TMCO4: variants seen among roughly 807,000 people sequenced by gnomAD.
The protein encoded by TMCO4 is transmembrane and coiled-coil domain-containing protein 4.
Under a neutral mutation model 64.7 loss-of-function variants are expected in TMCO4, and 58 were observed. That is an observed-to-expected ratio of 0.90 (90% CI 0.73 to 1.12). The LOEUF (loss-of-function observed/expected upper bound fraction) is 1.12, where lower values mean the gene tolerates loss of function less well. Among genes scored for constraint, TMCO4 ranks in the 50% most tolerant of loss-of-function variants. The pLI, the probability that TMCO4 is intolerant of heterozygous loss-of-function variation, is 0.00. For synonymous variants in TMCO4, 325 were observed against 346.1 expected, an observed-to-expected ratio of 0.94 and a Z score of 0.68; for missense variants, 780 against 825.9, an observed-to-expected ratio of 0.94 and a Z score of 0.68.
At chr1:19,796,864 C>T (rs1007305868) in intron 2 of TMCO4, among the ~76,000 whole-genome samples, 8 of 152,180 alleles carry the variant, frequency 5.3e-5, no homozygotes, top group East Asian at 1.9e-4. Flanking sequence ...TGAGCCACCA[C>T]GCCTGGCCTG....
At chr1:19,786,020 A>G (rs1217001257) in intron 3 of TMCO4, among the ~76,000 whole-genome samples, 3 of 152,200 alleles carry the variant, frequency 2.0e-5, no homozygotes, top group Admixed American at 6.5e-5. Context: ...GAGCTTTCGG[A>G]GGCTGAGGCA....
intron 4 of TMCO4, among the ~76,000 whole-genome samples, chr1:19,779,816 G>A (rs1483584938): frequency 6.6e-6 from 1 of 152,210 alleles, no homozygotes; most frequent in African/African-American, 2.4e-5. Flanking sequence ...TCCGTTCCTG[G>A]ACGGTGTCCT....
At chr1:19,793,594 T>A (rs1239205749) in intron 2 of TMCO4, among the ~76,000 whole-genome samples, 1 of 152,030 alleles carries the variant, frequency 6.6e-6, no homozygotes, top group East Asian at 1.9e-4. Flanking sequence ...TCTCAGGAGG[T>A]CTCCATGACA....
At chr1:19,715,715 A>AT (rs2095352544) in intron 13 of TMCO4, among the ~76,000 whole-genome samples, 1 of 152,170 alleles carries the variant, frequency 6.6e-6, no homozygotes, top group Non-Finnish European at 1.5e-5. Flanking sequence ...TGGAGGAGGG[A>AT]TGGCTGCAGA....
At chr1:19,759,379 C>T (rs979090791) in intron 6 of TMCO4, among the ~76,000 whole-genome samples, 3 of 152,176 alleles carry the variant, frequency 2.0e-5, no homozygotes, top group African/African-American at 7.2e-5. Flanking sequence ...AAACAGCAGC[C>T]ACTGAGCTTC....
At chr1:19,718,650 C>CAAAAAAA (rs754998314) in intron 13 of TMCO4, among the ~76,000 whole-genome samples, 7 of 63,314 alleles carry the variant, frequency 1.1e-4, no homozygotes, top group East Asian at 5.0e-4. Context: ...GACCGTCTCT[C>CAAAAAAA]AAAAAAAAAA....
intron 7 of TMCO4, among the ~76,000 whole-genome samples, chr1:19,753,361 T>A (rs149184389): frequency 1.3e-5 from 2 of 152,298 alleles, no homozygotes; most frequent in East Asian, 3.9e-4. Flanking sequence ...GTTAAGTAAT[T>A]TAATCCTCTC....
chr1:19,685,181 C>T (rs1280231505), intron 15 of TMCO4, among the ~76,000 whole-genome samples: 1 of 152,178 alleles, frequency 6.6e-6, no homozygotes, highest in Non-Finnish European at 1.5e-5. Flanking sequence ...CAAAAATTAG[C>T]TGGGCATGGT....
At chr1:19,715,008 C>T (rs1294878973) in intron 13 of TMCO4, among the ~76,000 whole-genome samples, 4 of 151,946 alleles carry the variant, frequency 2.6e-5, no homozygotes, top group Non-Finnish European at 2.9e-5. Flanking sequence ...TTTTGGAGGC[C>T]GAGGTGGCAG....
Position 19,746,602 on chromosome 1 carries a change from G to A in TMCO4, c.614-3C>T. On this transcript the variant is annotated splice_region_variant and splice_polypyrimidine_tract_variant and intron_variant, in intron 8 of 15. Transcript: ENST00000294543. ...TGCAGCTAGACCTCCAGTCACACCT[G>A]TGGGAAAAGCAGCAGTTTCAGGTGG... 1 of 1,601,026 alleles carries A rather than the reference G, an allele frequency of 6.2e-7. No homozygotes were observed. The highest frequency in any genetic ancestry group is 8.5e-7 in the Non-Finnish European group (1 of 1,170,760).
At chr1:19,796,572 A>AT (rs1024168796) in intron 2 of TMCO4, among the ~76,000 whole-genome samples, 14 of 151,488 alleles carry the variant, frequency 9.2e-5, no homozygotes, top group African/African-American at 2.7e-4. Context: ...TGTGATTTTT[A>AT]TTTTTTTTAT....
At chr1:19,724,481 A>T (rs746844983) in intron 13 of TMCO4, among the ~76,000 whole-genome samples, 17 of 152,208 alleles carry the variant, frequency 1.1e-4, no homozygotes, top group Admixed American at 2.0e-4. Context: ...TTATAGGCAA[A>T]ATGGGAAAAT....
At chr1:19,774,243 C>A (rs774988789) in intron 4 of TMCO4, among the ~76,000 whole-genome samples, 1 of 152,214 alleles carries the variant, frequency 6.6e-6, no homozygotes, top group African/African-American at 2.4e-5. Context: ...AGGACTACAG[C>A]ATGGCCTGGT....
chr1:19,747,140 C>T (rs1315742104), intron 8 of TMCO4, 23 bp downstream of exon 8: 1 of 1,610,824 alleles, frequency 6.2e-7, no homozygotes, highest in African/African-American at 1.3e-5. Flanking sequence ...CAGACGTGTG[C>T]CACCATCTCT....
chr1:19,723,933 AAC>A (rs2095397506), intron 13 of TMCO4, among the ~76,000 whole-genome samples: 1 of 152,180 alleles, frequency 6.6e-6, no homozygotes, highest in Non-Finnish European at 1.5e-5. Flanking sequence ...TTCTTTAAAT[AAC>A]AGAGACAACC....
intron 6 of TMCO4, among the ~76,000 whole-genome samples, chr1:19,759,470 C>T (rs1019107263): frequency 6.6e-6 from 1 of 152,186 alleles, no homozygotes; most frequent in African/African-American, 2.4e-5. Context: ...GAATAAAGTC[C>T]ACATTTCTTT....
intron 6 of TMCO4, among the ~76,000 whole-genome samples, chr1:19,761,234 T>C (rs1200752230): frequency 6.6e-6 from 1 of 152,172 alleles, no homozygotes; most frequent in East Asian, 1.9e-4. Context: ...CCCCGCACCA[T>C]GAAGTGGGAA....
chr1:19,770,514 A>G (rs2042933212), intron 6 of TMCO4, 28 bp downstream of exon 6: 1 of 1,613,578 alleles, frequency 6.2e-7, no homozygotes, highest in Non-Finnish European at 8.5e-7. Flanking sequence ...GGTACCCACC[A>G]TTTACAGAGC....
chr1:19,701,531 A>G (rs1283435249), intron 13 of TMCO4, among the ~76,000 whole-genome samples: 2 of 152,188 alleles, frequency 1.3e-5, no homozygotes, highest in Admixed American at 1.3e-4. Flanking sequence ...CACATGGCTA[A>G]TAAGTTCCAA....
Sources: gnomAD v4.1 joint callset for allele counts (sites outside exome capture counted in the v4.1 genomes callset) on GRCh38, gnomAD v4.1.1 for gene constraint, MANE v1.5 for transcripts, NCBI Gene and HGNC (gene_info 2026-07-23, HGNC 2026-07-21) for gene names.